RAB7A: variants seen among roughly 807,000 people sequenced by gnomAD.
RAB7A encodes RAB7A, member RAS oncogene family, also known as ras-related protein Rab-7a.
A neutral mutation model predicts 24.5 loss-of-function variants in RAB7A; 2 were observed. The ratio of observed to expected loss-of-function variants is 0.08; its 90% CI spans 0.03 to 0.26. The LOEUF is 0.26. Ranked by LOEUF, RAB7A falls within the 10% of genes least tolerant of loss-of-function variation. The pLI is 1.00. For missense variants in RAB7A, 118 were observed against 255.7 expected, an observed-to-expected ratio of 0.46 and a Z score of 3.67; for synonymous variants, 100 against 95.9, an observed-to-expected ratio of 1.04 and a Z score of -0.25.
rs185482253 is a variant in RAB7A at position 128,773,789 on chromosome 3, A to G, written c.-8-21571A>G. Among the ~76,000 whole-genome samples the G allele has an allele frequency of 1.1e-3, 165 of 152,278 alleles. 2 individuals are homozygous for G. In the South Asian group the frequency reaches 0.023, roughly 22 times the overall value. ...TTGATCTATGACCTTACCTCCAACC[A>G]TGTGCTCTCTGAAACATGTGCTGTG... On this transcript the variant is annotated intron_variant, in intron 1 of 5. Coordinates refer to ENST00000265062, the MANE Select transcript of RAB7A (RefSeq NM_004637.6).
intron 3 of RAB7A, among the ~76,000 whole-genome samples, 197 bp from the exon 4 acceptor site, chr3:128,806,175 G>A (rs1933799081): frequency 6.6e-6 from 1 of 152,178 alleles, no homozygotes; most frequent in African/African-American, 2.4e-5. Context: ...CTTATAGACA[G>A]ACACATACTT....
At chr3:128,749,843 C>A (rs1266051960) in intron 1 of RAB7A, among the ~76,000 whole-genome samples, 1 of 152,160 alleles carries the variant, frequency 6.6e-6, no homozygotes, top group Non-Finnish European at 1.5e-5. Flanking sequence ...TTGTAAATTG[C>A]CCAGTCATGG....
At chr3:128,728,583 C>T (rs1450634228) in intron 1 of RAB7A, among the ~76,000 whole-genome samples, 1 of 152,212 alleles carries the variant, frequency 6.6e-6, no homozygotes, top group African/African-American at 2.4e-5. Flanking sequence ...CTGCCTCAGC[C>T]TCCCGAGTGG....
At chr3:128,733,842 GTATC>G (rs1296462097) in intron 1 of RAB7A, among the ~76,000 whole-genome samples, 2 of 152,218 alleles carry the variant, frequency 1.3e-5, no homozygotes, top group Non-Finnish European at 2.9e-5. Context: ...CTTCATAAGA[GTATC>G]TATTCTGCTC....
Position 128,748,092 on chromosome 3 carries a change from T to C in RAB7A, c.-9+21733T>C, listed in dbSNP as rs570747626. The stretch of plus-strand genomic sequence containing the variant: ...CAGCAAAGTGTTCTTAAGATGAAGT[T>C]TGACAAACATCCTAGAGGCCCCCTA... On this transcript the variant is annotated intron_variant, in intron 1 of 5. Coordinates refer to ENST00000265062, the MANE Select transcript of RAB7A (RefSeq NM_004637.6). 5.3e-5 allele frequency among the ~76,000 whole-genome samples: 8 copies of C among 152,276 alleles called. No homozygotes were observed. The South Asian group carries it at 1.7e-3, about 32-fold the overall frequency.
chr3:128,812,479 G>C lies in RAB7A; in HGVS notation c.529-848G>C, dbSNP rs118127831. 1.3e-3 allele frequency among the ~76,000 whole-genome samples: 192 copies of C among 152,238 alleles called. No individual in the cohort carries two copies. In the East Asian group the frequency reaches 0.013, roughly 11 times the overall value. ...TATACTTTTATAGTTATTGTGAATG[G>C]AATGATTTTTTTCCTAGATAACTTT... On this transcript the variant is annotated intron_variant, in intron 5 of 5. Transcript: ENST00000265062.
chr3:128,782,630 A>T (rs1297644953), intron 1 of RAB7A, among the ~76,000 whole-genome samples: 2 of 130,080 alleles, frequency 1.5e-5, no homozygotes, highest in African/African-American at 5.9e-5. Flanking sequence ...AGGCTCTAGT[A>T]GGATGCAGGG....
chr3:128,757,222 T>A (rs540278200), intron 1 of RAB7A, among the ~76,000 whole-genome samples: 86 of 152,264 alleles, frequency 5.6e-4, no homozygotes, highest in Admixed American at 1.7e-3. Context: ...CTATGCAAAT[T>A]AAGCAGTTAT....
At chr3:128,791,809 A>T (rs1283041791) in intron 1 of RAB7A, among the ~76,000 whole-genome samples, 1 of 152,176 alleles carries the variant, frequency 6.6e-6, no homozygotes, top group Non-Finnish European at 1.5e-5. Flanking sequence ...GAGTCGGCAC[A>T]GTCTCCCTGT....
At chr3:128,760,895 A>C (rs997700296) in intron 1 of RAB7A, among the ~76,000 whole-genome samples, 1 of 152,240 alleles carries the variant, frequency 6.6e-6, no homozygotes, top group Admixed American at 6.5e-5. Context: ...AAAGTGTTTT[A>C]TCCCTTAAAA....
chr3:128,738,671 A>G (rs2070516708), intron 1 of RAB7A, among the ~76,000 whole-genome samples: 4 of 152,202 alleles, frequency 2.6e-5, no homozygotes. Context: ...TTGTATATGT[A>G]TCTTTCCTAC....
At chr3:128,728,490 T>G (rs1459547881) in intron 1 of RAB7A, among the ~76,000 whole-genome samples, 2 of 152,188 alleles carry the variant, frequency 1.3e-5, no homozygotes, top group African/African-American at 4.8e-5. Context: ...GAGACGGAGT[T>G]TCCCTCTTGT....
chr3:128,802,658 C>G (rs1933724385), intron 3 of RAB7A, among the ~76,000 whole-genome samples: 1 of 151,608 alleles, frequency 6.6e-6, no homozygotes, highest in Non-Finnish European at 1.5e-5. Context: ...CAGGTGTGTG[C>G]CACCACGCCC....
intron 1 of RAB7A, chr3:128,765,015 C>A: frequency 6.4e-7 from 1 of 1,563,488 alleles, no homozygotes; most frequent in Non-Finnish European, 8.7e-7. Context: ...ACGCAGTTGT[C>A]ATGGCAGCAA....
At chr3:128,795,326 ACACT>A (rs1341834774) in intron 1 of RAB7A, 30 bp from the exon 2 acceptor site, 2 of 1,570,460 alleles carry the variant, frequency 1.3e-6, no homozygotes, top group Non-Finnish European at 1.8e-6. Context: ...TGTTTCCATC[ACACT>A]CACAGTGATT....
chr3:128,743,792 C>CTTT (rs35973437), intron 1 of RAB7A, among the ~76,000 whole-genome samples: 1 of 141,236 alleles, frequency 7.1e-6, no homozygotes, highest in Admixed American at 7.1e-5. Context: ...TTCTCTCTCT[C>CTTT]TTTTTTTTTT....
intron 1 of RAB7A, among the ~76,000 whole-genome samples, chr3:128,755,472 A>G (rs1439473381): frequency 6.6e-6 from 1 of 152,180 alleles, no homozygotes; most frequent in African/African-American, 2.4e-5. Flanking sequence ...ACAAACTCAA[A>G]GCTAGCAGAA....
chr3:128,761,841 A>T (rs1237958430), intron 1 of RAB7A, among the ~76,000 whole-genome samples: 2 of 152,202 alleles, frequency 1.3e-5, no homozygotes, highest in Non-Finnish European at 2.9e-5. Context: ...CATTACTGAA[A>T]AGCAACCGAG....
intron 1 of RAB7A, among the ~76,000 whole-genome samples, chr3:128,772,953 C>T (rs1415701941): frequency 6.6e-6 from 1 of 152,194 alleles, no homozygotes; most frequent in East Asian, 1.9e-4. Context: ...CCTCCACCTC[C>T]CAGCCGCCTG....
Sources: allele counts gnomAD v4.1 joint callset (sites outside exome capture counted in the v4.1 genomes callset), GRCh38; gene constraint gnomAD v4.1.1; transcripts MANE v1.5; gene names NCBI Gene and HGNC (gene_info 2026-07-23, HGNC 2026-07-21).